The following ZNF318 variants were observed in gnomAD, a reference collection of about 807,000 sequenced individuals.
The protein encoded by ZNF318 is zinc finger protein 318.
ZNF318 carries 51 observed loss-of-function variants against 124.2 expected under a neutral mutation model. The observed-to-expected ratio is 0.41, with a 90% CI of 0.33 to 0.52. The LOEUF (loss-of-function observed/expected upper bound fraction) is 0.52. ZNF318 is among the 20% of genes least tolerant of loss of function. ZNF318 has a pLI of 0.23. For missense variants in ZNF318, 2,815 were observed against 2,811.2 expected, an observed-to-expected ratio of 1.00 and a Z score of -0.03; for synonymous variants, 1,090 against 1,040.7, an observed-to-expected ratio of 1.05 and a Z score of -0.91.
intron 1 of ZNF318, chr6:43,368,692 A>G: frequency 1.0e-6 from 1 of 985,480 alleles, no homozygotes; most frequent in East Asian, 1.1e-4. Context: ...TCGCCTTGGC[A>G]AACTTTCCAC....
At chr6:43,363,818 G>C in intron 2 of ZNF318, 1 of 911,118 alleles carries the variant, frequency 1.1e-6, no homozygotes, top group South Asian at 1.5e-5. Context: ...GACTACAATG[G>C]CCACGTCGGT....
rs1235573736 is a variant in ZNF318 at position 43,338,716 on chromosome 6, C to T, written c.5282G>A (p.Ser1761Asn). The T allele has an allele frequency of 2.5e-6, 4 of 1,614,190 alleles. No homozygotes were observed. The highest frequency in any genetic ancestry group is 2.2e-5 in the East Asian group (1 of 44,886). Residue 1761 changes from serine to asparagine, a missense_variant, in exon 10 of 10, where the codon AGC becomes AAC. By Grantham distance (46) the Ser-to-Asn change is conservative. Transcript: ENST00000361428. ...LRESVNQDKE[S>N]QELRKSEDCR... ...ATCCTCAGATTTACGGAGCTCTTGG[C>T]TTTCCTTATCCTGGTTAACAGATTC...
At chr6:43,358,799 G>A (rs1042499982) in intron 2 of ZNF318, among the ~76,000 whole-genome samples, 8 of 152,066 alleles carry the variant, frequency 5.3e-5, no homozygotes, top group Non-Finnish European at 1.2e-4. Context: ...CAGGTGATCT[G>A]CCCGCCTCAG....
intron 5 of ZNF318, among the ~76,000 whole-genome samples, 192 bp downstream of exon 5, chr6:43,352,185 A>AT (rs59198028): frequency 4.0e-3 from 257 of 64,430 alleles, no homozygotes; most frequent in African/African-American, 0.028. Context: ...CATCATCATC[A>AT]CCACCACCAT....
At position 43,340,663 on chromosome 6, in the gene ZNF318, GGA is replaced by G. The variant is rs1442216648; in HGVS notation, c.3495+125_3495+126del. On this transcript the variant is annotated intron_variant, in intron 9 of 9. Coordinates refer to ENST00000361428, the MANE Select transcript of ZNF318 (RefSeq NM_014345.3). ...GCTGAGCATCTCCCACTAGGATTGAGGAGAACTTAGAGGTTATATGGAATTTG... is the reference window on the plus strand; with the variant it reads ...GCTGAGCATCTCCCACTAGGATTGAGGAACTTAGAGGTTATATGGAATTTG... 4.0e-6 allele frequency: 6 copies of G among 1,507,170 alleles called. No homozygotes were observed. The East Asian group carries it at 1.4e-4, about 34-fold the overall frequency. 93.4% of individuals were successfully genotyped at this position (1,507,170 alleles called of 1,614,324 possible).
chr6:43,353,876 A>C (rs916868210), intron 4 of ZNF318, among the ~76,000 whole-genome samples: 1 of 152,162 alleles, frequency 6.6e-6, no homozygotes, highest in Non-Finnish European at 1.5e-5. Flanking sequence ...GAATTATTAT[A>C]TCTTTACCCC....
Position 43,348,334 on chromosome 6 carries a change from G to C in ZNF318, c.3062C>G (p.Ser1021Cys). ...AAATTGAGTTGTTACCTTGTTGGAG[G>C]AGGAGTTTGAGAACGATGACACTTT... ...PEKVSSFSNS[S>C]SNKESKVNNE... is the part of the protein sequence containing the mutation. Residue 1021 changes from serine (S) to cysteine (C), a missense_variant, in exon 6 of 10, where the codon TCC becomes TGC. Physicochemically the swap from Ser to Cys is moderately radical, Grantham distance 112. This residue lies in a region of ZNF318 where 1,377 missense variants were observed against 1,353.5 expected (regional missense o/e 1.02). Transcript: ENST00000361428. The C allele has an allele frequency of 6.2e-7, 1 of 1,606,088 alleles. No individual in the cohort carries two copies. Among genetic ancestry groups the C allele is most frequent in the South Asian group, 1.1e-5 (1 of 89,372 alleles).
At chr6:43,346,181 CAAAAAAAAAAAAAAAAA>C (rs150168420) in intron 6 of ZNF318, among the ~76,000 whole-genome samples, 2 of 72,130 alleles carry the variant, frequency 2.8e-5, no homozygotes, top group East Asian at 4.5e-4. Context: ...GACTCTGTTT[CAAAAAAAAAAAAAAAAA>C]AAAAAAAAAA....
chr6:43,340,347 T>A lies in ZNF318; in HGVS notation c.3651A>T (p.Ala1217=). ...KPKEEKKEKK[A]KAVKEVKEDD... is the part of the protein sequence containing the mutation. ...CCTCCTTTACTTCTTTCACAGCCTT[T>A]GCCTTTTTTTCTTTCTTCTCCTCCT... Residue 1217 remains alanine, a synonymous_variant, in exon 10 of 10, where the codon GCA becomes GCT. Transcript: ENST00000361428. 6.2e-7 allele frequency: 1 copy of A among 1,614,194 alleles called. No homozygotes were observed. The highest frequency in any genetic ancestry group is 1.1e-5 in the South Asian group (1 of 91,086).
chr6:43,337,410 G>A lies in ZNF318; in HGVS notation c.6588C>T (p.Asp2196=), dbSNP rs746995086. The change falls in exon 10 of 10, where the codon GAC becomes GAT. Residue 2196 remains aspartate (D), a synonymous_variant. Coordinates refer to ENST00000361428, the MANE Select transcript of ZNF318 (RefSeq NM_014345.3). The stretch of plus-strand genomic sequence containing the variant: ...ACTCCAGGGAACTACATTTAGAAGG[G>A]TCACCTGGCTCAGAGAGTGGAGAAC... ...KLCSPLSEPG[D]PSKCSSLELG... is the part of the protein sequence containing the mutation. 6.2e-7 allele frequency: 1 copy of A among 1,614,146 alleles called. No individual in the cohort carries two copies. Among genetic ancestry groups the A allele is most frequent in the South Asian group, 1.1e-5 (1 of 91,076 alleles).
chr6:43,358,738 G>A, intron 2 of ZNF318, among the ~76,000 whole-genome samples: 1 of 151,672 alleles, frequency 6.6e-6, no homozygotes, highest in African/African-American at 2.4e-5. Context: ...CATTTTTTTA[G>A]TAGAGATGGG....
chr6:43,368,676 T>C, intron 1 of ZNF318: 2 of 985,442 alleles, frequency 2.0e-6, no homozygotes, highest in Non-Finnish European at 2.4e-6. Context: ...TTGGACGAAA[T>C]GCCCCTCGCC....
At position 43,354,758 on chromosome 6, in the gene ZNF318, G is replaced by GT. The variant is rs755583754; in HGVS notation, c.2575_2576insA (p.Ala859AspfsTer16). ...AATGGACACCTGGACAGGCACTTGG[G>GT]CCGCAGGAATTGAGCCTCGCAGAGA... On this transcript the variant is annotated frameshift_variant, in exon 4 of 10. Transcript: ENST00000361428. LOFTEE classifies it high-confidence loss of function. The GT allele has an allele frequency of 6.2e-7, 1 of 1,614,154 alleles. No individual in the cohort carries two copies. Among genetic ancestry groups the GT allele is most frequent in the Non-Finnish European group, 8.5e-7 (1 of 1,180,024 alleles).
rs1779353807 is a variant in ZNF318, at chr6:43,340,246, C to T, written c.3752G>A (p.Arg1251Lys). 3 of 1,614,022 alleles carry T rather than the reference C, an allele frequency of 1.9e-6. No individual in the cohort carries two copies. The highest frequency in any genetic ancestry group is 2.5e-6 in the Non-Finnish European group (3 of 1,179,998). Residue 1251 changes from arginine to lysine, a missense_variant, in exon 10 of 10, where the codon AGG (arginine) becomes AAG (lysine). Around this residue, in one of 4 missense-constraint regions of ZNF318, gnomAD observed 500 missense variants for 605.2 expected, o/e 0.83. Coordinates refer to ENST00000361428, the MANE Select transcript of ZNF318 (RefSeq NM_014345.3). Reference protein sequence around the residue: ...RNSPEKAENKRNTGIKLQLKE... With the variant: ...RNSPEKAENKKNTGIKLQLKE... The stretch of plus-strand genomic sequence containing the variant: ...TAACTGGAGTTTGATGCCAGTGTTC[C>T]TTTTATTTTCAGCTTTTTCAGGGGA...
chr6:43,354,768 T>G lies in ZNF318; in HGVS notation c.2566A>C (p.Ile856Leu). The G allele has an allele frequency of 6.2e-7, 1 of 1,614,184 alleles. No individual in the cohort carries two copies. Among genetic ancestry groups the G allele is most frequent in the Non-Finnish European group, 8.5e-7 (1 of 1,180,034 alleles). Reference sequence around the variant, plus strand: ...TGGACAGGCACTTGGGCCGCAGGAATTGAGCCTCGCAGAGACTCTTTCTGC... The same window carrying G: ...TGGACAGGCACTTGGGCCGCAGGAAGTGAGCCTCGCAGAGACTCTTTCTGC... ...PKQKESLRGSIPAAQVPVQVS... is the reference protein window; with the variant it reads ...PKQKESLRGSLPAAQVPVQVS... The change falls in exon 4 of 10, where the codon ATT becomes CTT. Residue 856 changes from isoleucine to leucine, a missense_variant. Physicochemically the swap from Ile to Leu is conservative, Grantham distance 5. Coordinates refer to ENST00000361428, the MANE Select transcript of ZNF318 (RefSeq NM_014345.3).
At position 43,339,407 on chromosome 6, in the gene ZNF318, G is replaced by C. The variant is rs1453768179; in HGVS notation, c.4591C>G (p.Leu1531Val). Residue 1531 changes from leucine (L) to valine (V), a missense_variant, in exon 10 of 10, where the codon CTG (leucine) becomes GTG (valine). Leu to Val is a conservative substitution (Grantham distance 32). Transcript: ENST00000361428. This position sits in a 1 kb window ranked among gnomAD's most constrained non-coding sequence, Gnocchi z 4.2. ...GVSESDRDQT[L>V]FSVLVRPPPP... ...GGAGGACGTACTAACACAGAGAACAGGGTCTGGTCTCGGTCACTCTCACTC... is the reference window on the plus strand; with the variant it reads ...GGAGGACGTACTAACACAGAGAACACGGTCTGGTCTCGGTCACTCTCACTC... The C allele has an allele frequency of 2.5e-6, 4 of 1,614,072 alleles. No homozygotes were observed. The African/African-American group carries it at 5.3e-5, about 22-fold the overall frequency.
chr6:43,337,764 G>A lies in ZNF318; in HGVS notation c.6234C>T (p.Thr2078=). ...FSGFPLDSPK[T]LVLDFETEGE... ...CCTCTGTCTCAAAGTCAAGCACCAA[G>A]GTTTTGGGAGAATCTAACGGAAACC... is the stretch of plus-strand genomic sequence containing the variant. The change falls in exon 10 of 10, where the codon ACC becomes ACT. Residue 2078 remains threonine (T), a synonymous_variant. Transcript: ENST00000361428. The A allele has an allele frequency of 1.2e-6, 2 of 1,614,194 alleles. No individual in the cohort carries two copies. Among genetic ancestry groups the A allele is most frequent in the Non-Finnish European group, 1.7e-6 (2 of 1,180,042 alleles).
At chr6:43,343,827 C>CAAAAAAAAAAAAAAAAAAAAAAAAA (rs10560070) in intron 6 of ZNF318, among the ~76,000 whole-genome samples, 1 of 101,918 alleles carries the variant, frequency 9.8e-6, no homozygotes. Flanking sequence ...GACCCTGTCT[C>CAAAAAAAAAAAAAAAAAAAAAAAAA]AAAAAAAAAA....
At chr6:43,351,221 G>C (rs1475652693) in intron 5 of ZNF318, among the ~76,000 whole-genome samples, 1 of 152,168 alleles carries the variant, frequency 6.6e-6, no homozygotes, top group Non-Finnish European at 1.5e-5. Context: ...CAAACACTCA[G>C]ATTAAAGAAG....
Sources: gnomAD v4.1 joint callset for allele counts (sites outside exome capture counted in the v4.1 genomes callset) on GRCh38, gnomAD v4.1.1 for gene constraint, gnomAD v4.1.1 regional missense constraint, Gnocchi (gnomAD v3.1) non-coding constraint, MANE v1.5 for transcripts, NCBI Gene and HGNC (gene_info 2026-07-23, HGNC 2026-07-21) for gene names.